MYO7A: variants seen among roughly 807,000 people sequenced by gnomAD.
The protein encoded by MYO7A is myosin VIIA, also known as unconventional myosin-VIIa.
MYO7A carries 210 observed loss-of-function variants against 263.8 expected under a neutral mutation model. That is an observed-to-expected ratio of 0.80 (90% CI 0.71 to 0.89). MYO7A has a LOEUF of 0.89. Ranked by LOEUF, MYO7A falls within the 40% of genes least tolerant of loss-of-function variation. The pLI is 0.00. For missense variants in MYO7A, 2,820 were observed against 2,968.3 expected (o/e 0.95, Z 1.16); for synonymous variants, 1,239 against 1,197.3 (o/e 1.03, Z -0.72).
intron 46 of MYO7A, 176 bp from the exon 47 acceptor site, chr11:77,212,776 G>A (rs1186753772): frequency 1.6e-6 from 1 of 636,992 alleles, no homozygotes; most frequent in Non-Finnish European, 2.8e-6. Flanking sequence ...AGGGATGTGG[G>A]GCAGCACTGA....
At chr11:77,214,542 C>A in intron 48 of MYO7A, 65 bp from the exon 49 acceptor site, 1 of 1,210,966 alleles carries the variant, frequency 8.3e-7, no homozygotes, top group Non-Finnish European at 1.2e-6. Context: ...GGGAGCTGTG[C>A]TATGGTCTGA....
chr11:77,156,839 G>A (rs1555062778), intron 6 of MYO7A, 23 bp from the exon 7 acceptor site: 1 of 1,613,942 alleles, frequency 6.2e-7, no homozygotes, highest in South Asian at 1.1e-5. Flanking sequence ...GGCTTTGCCA[G>A]TGACACCCTA....
At chr11:77,148,751 TAATA>T (rs1458714003) in intron 4 of MYO7A, among the ~76,000 whole-genome samples, 2 of 152,222 alleles carry the variant, frequency 1.3e-5, no homozygotes, top group East Asian at 1.9e-4. Context: ...AAAGTAACCA[TAATA>T]AATCTATTAT....
intron 2 of MYO7A, among the ~76,000 whole-genome samples, chr11:77,141,773 C>T (rs1252561864): frequency 6.6e-6 from 1 of 152,170 alleles, no homozygotes; most frequent in Non-Finnish European, 1.5e-5. Context: ...TCAGCGATTC[C>T]CTCCATGGAG....
At chr11:77,133,322 C>T (rs1188995386) in intron 2 of MYO7A, among the ~76,000 whole-genome samples, 1 of 152,208 alleles carries the variant, frequency 6.6e-6, no homozygotes, top group East Asian at 1.9e-4. Context: ...TTTTGTGCTT[C>T]AGTATGTCAT....
chr11:77,162,368 T>A, intron 13 of MYO7A, 38 bp downstream of exon 13: 1 of 1,532,640 alleles, frequency 6.5e-7, no homozygotes, highest in Non-Finnish European at 8.8e-7. Flanking sequence ...GGGTCTTGGG[T>A]GCGCACAGCT....
Position 77,199,630 on chromosome 11 carries a change from C to A in MYO7A, c.4664C>A (p.Ser1555Tyr), listed in dbSNP as rs779524499. 6.2e-7 allele frequency: 1 copy of A among 1,610,118 alleles called. No homozygotes were observed. Among genetic ancestry groups the A allele is most frequent in the Middle Eastern group, 1.7e-4 (1 of 6,044 alleles). The change falls in exon 35 of 49, where the codon TCT becomes TAT. Residue 1555 changes from serine (S) to tyrosine (Y), a missense_variant. Transcript: ENST00000409709. The stretch of plus-strand genomic sequence containing the variant: ...GGACTGACCCCGGCGGGGCCCTGTT[C>A]TCCGTGTTGGTCCTGCAGGGGAGCG... ...WAGLTPAGPC[S>Y]PCWSCRGAKT... is the part of the protein sequence containing the mutation.
Position 77,161,060 on chromosome 11 carries a change from C to G in MYO7A, c.1288C>G (p.Arg430Gly). The G allele has an allele frequency of 6.2e-7, 1 of 1,613,952 alleles. No homozygotes were observed. The highest frequency in any genetic ancestry group is 8.5e-7 in the Non-Finnish European group (1 of 1,179,882). Residue 430 changes from arginine (R) to glycine (G), a missense_variant, in exon 12 of 49, where the codon CGC becomes GGC. Transcript: ENST00000409709. Reference sequence around the variant, plus strand: ...TCCCTCCCAGGATGTGAAGAACTCTCGCAGGTCCATCGGCCTCCTGGACAT... The same window carrying G: ...TCCCTCCCAGGATGTGAAGAACTCTGGCAGGTCCATCGGCCTCCTGGACAT... ...KPPSQDVKNS[R>G]RSIGLLDIFG...
Position 77,175,039 on chromosome 11 carries a change from C to T in MYO7A, c.2094+125C>T, listed in dbSNP as rs539927973. 6.2e-5 allele frequency: 78 copies of T among 1,254,774 alleles called. 3 individuals carry two copies. In the Middle Eastern group the frequency reaches 9.6e-4, roughly 15 times the overall value. 77.7% of individuals were successfully genotyped at this position (1,254,774 alleles called of 1,614,324 possible). A position where few individuals can be genotyped will look rare whatever the true frequency, so the allele number is the denominator to read the frequency against. On this transcript the variant is annotated intron_variant, in intron 17 of 48. Coordinates refer to ENST00000409709, the MANE Select transcript of MYO7A (RefSeq NM_000260.4). The stretch of plus-strand genomic sequence containing the variant: ...TCTGCTTGACCTCTCAGGTGCAGCA[C>T]GGAAAATTGGGGTTCAGGTATTGGA...
At position 77,213,035 on chromosome 11, in the gene MYO7A, G is replaced by A; in HGVS notation, c.6438G>A (p.Lys2146=). 1 of 1,570,360 alleles carries A rather than the reference G, an allele frequency of 6.4e-7. No individual in the cohort carries two copies. The highest frequency in any genetic ancestry group is 8.6e-7 in the Non-Finnish European group (1 of 1,156,900). Residue 2146 remains lysine (K), a splice_region_variant and synonymous_variant, in exon 47 of 49, where the codon AAG becomes AAA. Coordinates refer to ENST00000409709, the MANE Select transcript of MYO7A (RefSeq NM_000260.4). ...TCAGCCTCATCGATCCCAAAACGAAGGTGAGCAGGGATAAGGCAGCAAGTG... is the reference window on the plus strand; with the variant it reads ...TCAGCCTCATCGATCCCAAAACGAAAGTGAGCAGGGATAAGGCAGCAAGTG... The part of the protein sequence containing the change: ...YGVSLIDPKT[K]DILTTHPFTK...
rs7938356 is a variant in MYO7A, at chr11:77,191,808, A to G, written c.3925-243A>G. 0.99 allele frequency among the ~76,000 whole-genome samples: 150,690 copies of G among 152,326 alleles called. 74,655 individuals are homozygous for G. The highest frequency in any genetic ancestry group is 1 in the Middle Eastern group (294 of 294). On this transcript the variant is annotated intron_variant, in intron 30 of 48. Transcript: ENST00000409709. ...GTACTGTCTGTTCAGTTTCCCAAAA[A>G]GCTTCCACTAGAAAATGGGAATTCC...
In MYO7A at chr11:77,188,159, C is replaced by T. The variant is rs538475738; in HGVS notation, c.3504-1185C>T. Among the ~76,000 whole-genome samples, 313 of 152,342 alleles carry T rather than the reference C, an allele frequency of 2.1e-3. 2 individuals are homozygous for T. The highest frequency in any genetic ancestry group is 7.0e-3 in the African/African-American group (293 of 41,574). The stretch of plus-strand genomic sequence containing the variant: ...GCCTCACACGGCTAATCCCTCCCTG[C>T]TCTCAGCCTCTGTCTCCCCATCTGT... On this transcript the variant is annotated intron_variant, in intron 27 of 48. Coordinates refer to ENST00000409709, the MANE Select transcript of MYO7A (RefSeq NM_000260.4).
At chr11:77,211,468 C>T (rs1287475832) in intron 45 of MYO7A, 131 bp downstream of exon 45, 42 of 1,052,538 alleles carry the variant, frequency 4.0e-5, no homozygotes, top group Non-Finnish European at 4.4e-5. Flanking sequence ...TTGATGAGGC[C>T]GCCCACCCTT....
In MYO7A at chr11:77,181,532, C is replaced by T. The variant is rs1555084293; in HGVS notation, c.2847C>T (p.Phe949=). The T allele has an allele frequency of 1.2e-5, 20 of 1,613,388 alleles. No homozygotes were observed. In the South Asian group the frequency reaches 2.0e-4, roughly 16 times the overall value. ...HSDMVDKMFG[F]LGTSGGLPGQ... ...ACATGGTGGACAAGATGTTTGGCTT[C>T]CTGGGGACTTCAGGTGGCCTGCCAG... Residue 949 remains phenylalanine, a synonymous_variant, in exon 23 of 49, where the codon TTC becomes TTT. Transcript: ENST00000409709.
intron 3 of MYO7A, 131 bp downstream of exon 3, chr11:77,142,953 G>T: frequency 1.3e-6 from 1 of 749,666 alleles, no homozygotes; most frequent in African/African-American, 1.7e-5. Flanking sequence ...CCTCTCAGAT[G>T]CCCCCTTCCA....
Position 77,208,752 on chromosome 11 carries a change from C to T in MYO7A, c.6000C>T (p.Thr2000=), listed in dbSNP as rs1371159748. The part of the protein sequence containing the change: ...QVFFMKKLWT[T]TVPGKDPMAD... Reference sequence around the variant, plus strand: ...TCTTCATGAAGAAGCTGTGGACCACCACGGTGCCAGGGAAGGATCCCATGG... The same window carrying T: ...TCTTCATGAAGAAGCTGTGGACCACTACGGTGCCAGGGAAGGATCCCATGG... The change falls in exon 44 of 49, where the codon ACC becomes ACT. Residue 2000 remains threonine (T), a synonymous_variant. Coordinates refer to ENST00000409709, the MANE Select transcript of MYO7A (RefSeq NM_000260.4). 1.9e-6 allele frequency: 3 copies of T among 1,584,440 alleles called. No individual in the cohort carries two copies. Among genetic ancestry groups the T allele is most frequent in the Non-Finnish European group, 2.6e-6 (3 of 1,165,228 alleles).
chr11:77,186,129 C>T (rs1591397602), intron 27 of MYO7A, among the ~76,000 whole-genome samples: 2 of 147,376 alleles, frequency 1.4e-5, no homozygotes, highest in Non-Finnish European at 3.0e-5. Flanking sequence ...CACCATGTTG[C>T]CAGGCTGGTC....
chr11:77,167,924 A>C (rs1244250659), intron 15 of MYO7A, among the ~76,000 whole-genome samples: 1 of 152,084 alleles, frequency 6.6e-6, no homozygotes, highest in Non-Finnish European at 1.5e-5. Flanking sequence ...GCTGGGGTGC[A>C]CACAAGGCCA....
Position 77,203,099 on chromosome 11 carries a change from C to T in MYO7A, c.5208C>T (p.Ser1736=). 6.5e-7 allele frequency: 1 copy of T among 1,549,018 alleles called. No homozygotes were observed. Among genetic ancestry groups the T allele is most frequent in the Non-Finnish European group, 8.7e-7 (1 of 1,147,006 alleles). The part of the protein sequence containing the change: ...PKHTLSRVMV[S]KARGKDRLWS... Reference sequence around the variant, plus strand: ...ACACGCTGAGCCGTGTCATGGTGTCCAAGGCCCGAGGCAAGGACCGGCTGT... The same window carrying T: ...ACACGCTGAGCCGTGTCATGGTGTCTAAGGCCCGAGGCAAGGACCGGCTGT... The change falls in exon 38 of 49, where the codon TCC becomes TCT. Residue 1736 remains serine (S), a synonymous_variant. Coordinates refer to ENST00000409709, the MANE Select transcript of MYO7A (RefSeq NM_000260.4).
Sources: allele counts gnomAD v4.1 joint callset (sites outside exome capture counted in the v4.1 genomes callset), GRCh38; gene constraint gnomAD v4.1.1; transcripts MANE v1.5; gene names NCBI Gene and HGNC (gene_info 2026-07-23, HGNC 2026-07-21).